MDGA2: variants seen among roughly 807,000 people sequenced by gnomAD.
MDGA2 encodes the protein MAM domain-containing glycosylphosphatidylinositol anchor protein 2.
Under a neutral mutation model 117.8 loss-of-function variants are expected in MDGA2, and 40 were observed. That is an observed-to-expected ratio of 0.34 (90% CI 0.26 to 0.44). MDGA2 has a LOEUF of 0.44. Ranked by LOEUF, MDGA2 falls within the 20% of genes least tolerant of loss-of-function variation. MDGA2 has a pLI of 1.00. For synonymous variants in MDGA2, 452 were observed against 439.0 expected, an observed-to-expected ratio of 1.03 and a Z score of -0.37; for missense variants, 1,123 against 1,250.6, an observed-to-expected ratio of 0.90 and a Z score of 1.54.
intron 1 of MDGA2, among the ~76,000 whole-genome samples, chr14:47,433,164 A>G (rs1892833042): frequency 6.6e-6 from 1 of 152,120 alleles, no homozygotes; most frequent in Non-Finnish European, 1.5e-5. Flanking sequence ...TAATTTGGGT[A>G]GTTATAAGAT....
chr14:47,412,238 C>T (rs917296733), intron 1 of MDGA2, among the ~76,000 whole-genome samples: 13 of 152,012 alleles, frequency 8.6e-5, no homozygotes, highest in African/African-American at 3.1e-4. Flanking sequence ...ACTCTGCAGA[C>T]AACTATTTAG....
intron 1 of MDGA2, among the ~76,000 whole-genome samples, chr14:47,506,773 G>A (rs914793131): frequency 2.0e-5 from 3 of 152,172 alleles, no homozygotes; most frequent in African/African-American, 7.2e-5. Flanking sequence ...CCAGCACTTT[G>A]GGAAGCTGAG....
chr14:47,414,628 C>T (rs1428156451), intron 1 of MDGA2, among the ~76,000 whole-genome samples: 1 of 152,004 alleles, frequency 6.6e-6, no homozygotes, highest in African/African-American at 2.4e-5. Flanking sequence ...TACAAAAATG[C>T]TAACATACAT....
intron 5 of MDGA2, among the ~76,000 whole-genome samples, chr14:47,108,322 C>G (rs975302803): frequency 2.3e-4 from 35 of 152,244 alleles, no homozygotes; most frequent in African/African-American, 8.2e-4. Flanking sequence ...GAATATCAGG[C>G]CTCTGAGCCC....
chr14:47,095,685 T>C (rs546616346), intron 6 of MDGA2, among the ~76,000 whole-genome samples: 12 of 152,100 alleles, frequency 7.9e-5, no homozygotes, highest in African/African-American at 2.9e-4. Flanking sequence ...TTGTGGCAGA[T>C]GGTACGCTAT....
intron 1 of MDGA2, among the ~76,000 whole-genome samples, chr14:47,518,596 T>C (rs1418817598): frequency 1.3e-5 from 2 of 152,240 alleles, no homozygotes; most frequent in Non-Finnish European, 2.9e-5. Flanking sequence ...ATTTTATGTC[T>C]ACTTTTATGC....
intron 1 of MDGA2, among the ~76,000 whole-genome samples, chr14:47,573,537 T>G (rs2138825796): frequency 6.6e-6 from 1 of 152,332 alleles, no homozygotes; most frequent in Non-Finnish European, 1.5e-5. Flanking sequence ...AAAACAAATC[T>G]TTCTCACGCT....
intron 2 of MDGA2, among the ~76,000 whole-genome samples, chr14:47,299,914 C>T (rs1295550595): frequency 6.6e-6 from 1 of 152,050 alleles, no homozygotes; most frequent in Non-Finnish European, 1.5e-5. Context: ...TTTCCTTTTT[C>T]AACATTTTTA....
At chr14:47,151,285 T>C (rs999125469) in intron 3 of MDGA2, among the ~76,000 whole-genome samples, 3 of 152,206 alleles carry the variant, frequency 2.0e-5, no homozygotes, top group East Asian at 1.9e-4. Flanking sequence ...ACAAAGGAGA[T>C]TGATGCTTCA....
At chr14:46,899,790 A>G (rs1883215482) in intron 10 of MDGA2, among the ~76,000 whole-genome samples, 1 of 152,152 alleles carries the variant, frequency 6.6e-6, no homozygotes, top group African/African-American at 2.4e-5. Flanking sequence ...TAATTGCAAT[A>G]AAGAACCCAA....
At chr14:47,387,489 C>T (rs1375160348) in intron 1 of MDGA2, among the ~76,000 whole-genome samples, 1 of 152,108 alleles carries the variant, frequency 6.6e-6, no homozygotes, top group Non-Finnish European at 1.5e-5. Flanking sequence ...CTTATGCCCA[C>T]ACAACCCCTC....
intron 11 of MDGA2, among the ~76,000 whole-genome samples, chr14:46,880,301 G>A (rs1348591827): frequency 6.6e-6 from 1 of 151,694 alleles, no homozygotes; most frequent in Non-Finnish European, 1.5e-5. Flanking sequence ...CTCCAGCCTG[G>A]GAGACAGAGT....
intron 4 of MDGA2, 143 bp from the exon 5 acceptor site, chr14:47,131,989 A>G (rs528642130): frequency 1.4e-5 from 8 of 568,958 alleles, no homozygotes; most frequent in African/African-American, 1.3e-4. Flanking sequence ...GAAATGTCCT[A>G]TCTTTCAAAT....
rs145883233 is a variant in MDGA2, at chr14:47,471,713, C to T, written c.281-170163G>A. Reference sequence around the variant, plus strand: ...CTCAATCCTCTTAGTGGCATATTTACTCATTGGGAATTAATTTAGTAAAAA... The same window carrying T: ...CTCAATCCTCTTAGTGGCATATTTATTCATTGGGAATTAATTTAGTAAAAA... On this transcript the variant is annotated intron_variant, in intron 1 of 16. Coordinates refer to ENST00000399232, the MANE Select transcript of MDGA2 (RefSeq NM_001113498.3). Among the ~76,000 whole-genome samples, 100 of 152,014 alleles carry T rather than the reference C, an allele frequency of 6.6e-4. 2 individuals are homozygous for T. The East Asian group carries it at 0.014, about 21-fold the overall frequency.
intron 6 of MDGA2, among the ~76,000 whole-genome samples, chr14:47,081,046 T>C (rs1890691481): frequency 6.6e-6 from 1 of 152,180 alleles, no homozygotes. Flanking sequence ...TGTTACAGTA[T>C]ACCAGCAGCA....
At chr14:47,488,664 TATTA>T (rs1390839780) in intron 1 of MDGA2, among the ~76,000 whole-genome samples, 1 of 152,114 alleles carries the variant, frequency 6.6e-6, no homozygotes, top group Non-Finnish European at 1.5e-5. Flanking sequence ...ATTGATTGTT[TATTA>T]GAGATTTATA....
intron 1 of MDGA2, among the ~76,000 whole-genome samples, chr14:47,393,034 A>G (rs555310262): frequency 1.3e-5 from 2 of 151,846 alleles, no homozygotes; most frequent in South Asian, 4.2e-4. Flanking sequence ...AGTCTTAAAA[A>G]CTAAAGTGTT....
chr14:47,059,038 A>G, intron 7 of MDGA2: 1 of 1,005,618 alleles, frequency 9.9e-7, no homozygotes, highest in Non-Finnish European at 1.2e-6. Context: ...AAATTTGTCT[A>G]TCAAATAACT....
chr14:46,928,596 C>T (rs749635790), intron 9 of MDGA2, among the ~76,000 whole-genome samples: 6 of 152,148 alleles, frequency 3.9e-5, no homozygotes, highest in Non-Finnish European at 7.4e-5. Context: ...CTCCTATCCA[C>T]TTTCTAGTGA....
Sources: allele counts gnomAD v4.1 joint callset (sites outside exome capture counted in the v4.1 genomes callset), GRCh38; gene constraint gnomAD v4.1.1; transcripts MANE v1.5; gene names NCBI Gene and HGNC (gene_info 2026-07-23, HGNC 2026-07-21).